Variants in MAP4K1 observed in about 807,000 individuals in gnomAD.
MAP4K1 encodes MAPK/ERK kinase kinase kinase 1.
Under a neutral mutation model 122.8 loss-of-function variants are expected in MAP4K1, and 35 were observed. The ratio of observed to expected loss-of-function variants is 0.29; its 90% CI spans 0.22 to 0.38. The LOEUF is 0.38. Ranked by LOEUF, MAP4K1 falls within the 10% of genes least tolerant of loss-of-function variation. MAP4K1 has a pLI of 1.00. For synonymous variants in MAP4K1, 412 were observed against 421.3 expected (o/e 0.98, Z 0.27); for missense variants, 791 against 1,072.6 (o/e 0.74, Z 3.67).
intron 9 of MAP4K1, among the ~76,000 whole-genome samples, 199 bp downstream of exon 9, chr19:38,612,410 ACT>A (rs1412336701): frequency 6.6e-6 from 1 of 152,014 alleles, no homozygotes; most frequent in Non-Finnish European, 1.5e-5. Flanking sequence ...ACAGAGCAAG[ACT>A]CTGTCTTAAA....
intron 30 of MAP4K1, chr19:38,589,206 G>C (rs1407452021): frequency 6.3e-6 from 1 of 159,300 alleles, no homozygotes; most frequent in Non-Finnish European, 1.4e-5. Flanking sequence ...GGGAGGCTGA[G>C]GCAGGAGAAT....
At chr19:38,612,840 C>CA (rs1975538686) in intron 8 of MAP4K1, 98 bp from the exon 9 acceptor site, 8 of 1,299,324 alleles carry the variant, frequency 6.2e-6, no homozygotes, top group Non-Finnish European at 8.7e-6. Context: ...ACGCAGCACA[C>CA]AGAGAGTCAG....
chr19:38,599,800 G>T, intron 22 of MAP4K1, 125 bp downstream of exon 22: 1 of 886,344 alleles, frequency 1.1e-6, no homozygotes, highest in African/African-American at 1.6e-5. Context: ...TCTGGGATTT[G>T]AACCTAGGAC....
chr19:38,600,085 G>C lies in MAP4K1; in HGVS notation c.1600C>G (p.Leu534Val). Residue 534 changes from leucine to valine, a missense_variant, in exon 21 of 31, where the codon CTG becomes GTG. Around this residue, in one of 4 missense-constraint regions of MAP4K1, gnomAD observed 58 missense variants for 118.7 expected, o/e 0.49. Coordinates refer to ENST00000396857, the MANE Select transcript of MAP4K1 (RefSeq NM_001042600.3). Reference protein sequence around the residue: ...ILNRNDQEATLEMLFPSRTTW... With the variant: ...ILNRNDQEATVEMLFPSRTTW... Reference sequence around the variant, plus strand: ...CCGGTATGGTTCCTCACCATTTCCAGCGTGGCCTCCTGGTCATTCCGGTTC... The same window carrying C: ...CCGGTATGGTTCCTCACCATTTCCACCGTGGCCTCCTGGTCATTCCGGTTC... The C allele has an allele frequency of 6.2e-7, 1 of 1,614,128 alleles. No homozygotes were observed. The highest frequency in any genetic ancestry group is 8.5e-7 in the Non-Finnish European group (1 of 1,180,026).
chr19:38,601,609 C>A, intron 19 of MAP4K1, 84 bp from the exon 20 acceptor site: 1 of 989,412 alleles, frequency 1.0e-6, no homozygotes, highest in African/African-American at 1.6e-5. Flanking sequence ...GACTTTGGAG[C>A]GAGAGTGCCA....
In MAP4K1 at chr19:38,615,567, C is replaced by T. The variant is rs184485623; in HGVS notation, c.313+628G>A. The stretch of plus-strand genomic sequence containing the variant: ...TAACGAGGTAAGAACAACACACAGG[C>T]AGAGAGACAGAGAGACAGACAGACA... On this transcript the variant is annotated intron_variant, in intron 4 of 30. Transcript: ENST00000396857. Among the ~76,000 whole-genome samples the T allele has an allele frequency of 2.2e-4, 34 of 152,142 alleles. No individual in the cohort carries two copies. The East Asian group carries it at 6.4e-3, about 29-fold the overall frequency.
chr19:38,606,900 A>G (rs1396225778), intron 16 of MAP4K1, among the ~76,000 whole-genome samples: 1 of 152,114 alleles, frequency 6.6e-6, no homozygotes, highest in Non-Finnish European at 1.5e-5. Flanking sequence ...GCGCACCTGG[A>G]TGGAGCCTGA....
In MAP4K1 at chr19:38,603,754, C is replaced by T. The variant is rs1450397726; in HGVS notation, c.1446+1655G>A. 5.9e-5 allele frequency among the ~76,000 whole-genome samples: 9 copies of T among 152,176 alleles called. No individual in the cohort carries two copies. The East Asian group carries it at 1.7e-3, about 29-fold the overall frequency. ...ATGCCAGCACTTTGGGAGGCCGAGG[C>T]TGGCAGATAACTTGAGGTCAGGAGT... On this transcript the variant is annotated intron_variant, in intron 19 of 30. Coordinates refer to ENST00000396857, the MANE Select transcript of MAP4K1 (RefSeq NM_001042600.3).
intron 19 of MAP4K1, among the ~76,000 whole-genome samples, chr19:38,602,467 T>C (rs553141898): frequency 2.1e-5 from 3 of 145,770 alleles, no homozygotes; most frequent in South Asian, 2.2e-4. Context: ...TATACACACA[T>C]ATACATATAT....
intron 4 of MAP4K1, among the ~76,000 whole-genome samples, chr19:38,615,205 G>A (rs1397072133): frequency 2.7e-5 from 4 of 150,356 alleles, no homozygotes; most frequent in African/African-American, 9.8e-5. Context: ...GGTGGGTCTG[G>A]AAAGCAGCAA....
rs1974912312 is a variant in MAP4K1 at position 38,597,052 on chromosome 19, G to A, written c.1923C>T (p.Asn641=). ...VVLLQWYQPM[N]KFLLVRQVLF... is the part of the protein sequence containing the mutation. ...CCCTTACCCGGACAAGCAGGAATTT[G>A]TTCATGGGCTGGTACCACTGAAGCA... The change falls in exon 25 of 31, where the codon AAC becomes AAT. Residue 641 remains asparagine, a synonymous_variant. Transcript: ENST00000396857. The surrounding 1 kb of genome is among the most constrained non-coding windows in gnomAD (Gnocchi z 4.6). 6.2e-7 allele frequency: 1 copy of A among 1,613,958 alleles called. No homozygotes were observed. Among genetic ancestry groups the A allele is most frequent in the Admixed American group, 1.7e-5 (1 of 59,986 alleles).
chr19:38,612,488 A>G lies in MAP4K1; in HGVS notation c.665+123T>C, dbSNP rs945403285. The G allele has an allele frequency of 7.5e-6, 5 of 666,548 alleles. No individual in the cohort carries two copies. In the African/African-American group the frequency reaches 9.3e-5, roughly 12 times the overall value. 41.3% of individuals were successfully genotyped at this position (666,548 alleles called of 1,614,324 possible). On this transcript the variant is annotated intron_variant, in intron 9 of 30. Coordinates refer to ENST00000396857, the MANE Select transcript of MAP4K1 (RefSeq NM_001042600.3). ...AAAAAATAGAGCTGCAGCACGTGCA[A>G]AGGTAGGCTCAAGTGGTGATCCCTG... is the stretch of plus-strand genomic sequence containing the variant.
chr19:38,599,435 T>C (rs1193035773), intron 22 of MAP4K1, among the ~76,000 whole-genome samples: 5 of 143,684 alleles, frequency 3.5e-5, no homozygotes, highest in African/African-American at 5.2e-5. Context: ...GCCAAGGCAG[T>C]TGGATCACCT....
Position 38,608,828 on chromosome 19 carries a change from A to AAAAAAAAAAAAAAAAAAC in MAP4K1, c.1007-659_1007-658insGTTTTTTTTTTTTTTTTT, listed in dbSNP as rs1555811720. Among the ~76,000 whole-genome samples, 33 of 137,246 alleles carry AAAAAAAAAAAAAAAAAAC rather than the reference A, an allele frequency of 2.4e-4. 3 individuals are homozygous for AAAAAAAAAAAAAAAAAAC. Among genetic ancestry groups the AAAAAAAAAAAAAAAAAAC allele is most frequent in the South Asian group, 5.3e-4 (2 of 3,798 alleles). 90.0% of individuals were successfully genotyped at this position (137,246 alleles called of 152,430 possible). Reference sequence around the variant, plus strand: ...AAAAAAAAAAAAAAAAAAAAAAAAAAACATTAGCCACGCGTGGTGAATAAG... The same window carrying AAAAAAAAAAAAAAAAAAC: ...AAAAAAAAAAAAAAAAAAAAAAAAAAAAAAAAAAAAAAAAAAACACATTAGCCACGCGTGGTGAATAAG... On this transcript the variant is annotated intron_variant, in intron 13 of 30. Transcript: ENST00000396857.
rs1386217715 is a variant in MAP4K1, at chr19:38,597,273, T to G, written c.1837+53A>C. The G allele has an allele frequency of 3.1e-6, 5 of 1,609,438 alleles. No individual in the cohort carries two copies. Among genetic ancestry groups the G allele is most frequent in the Non-Finnish European group, 4.2e-6 (5 of 1,176,576 alleles). On this transcript the variant is annotated intron_variant, in intron 24 of 30. Transcript: ENST00000396857. This position sits in a 1 kb window ranked among gnomAD's most constrained non-coding sequence, Gnocchi z 4.6. ...CTCAGGTGGATGCAGTTCAAGCCCC[T>G]CCTCTGGCCTGGCCCCGCCCACTCT...
intron 30 of MAP4K1, chr19:38,589,281 G>T (rs1974629995): frequency 1.9e-5 from 5 of 256,928 alleles, no homozygotes; most frequent in South Asian, 3.3e-5. Flanking sequence ...CCAGCCTGGG[G>T]GACAGAGTGA....
rs1974696474 is a variant in MAP4K1, at chr19:38,590,471, T to TG, written c.2397-2655_2397-2654insC. ...CGTCACTAGGACAACGGGTGAAATT[T>TG]TTTGTTGTTGTTGTTGTTGTTTTCT... On this transcript the variant is annotated intron_variant, in intron 30 of 30. Coordinates refer to ENST00000396857, the MANE Select transcript of MAP4K1 (RefSeq NM_001042600.3). Among the ~76,000 whole-genome samples the TG allele has an allele frequency of 2.9e-5, 4 of 138,336 alleles. No individual in the cohort carries two copies. The East Asian group carries it at 6.6e-4, about 23-fold the overall frequency. The allele number at this position is 138,336 out of a possible 152,430, so 90.8% of individuals were successfully genotyped here.
intron 19 of MAP4K1, 52 bp from the exon 20 acceptor site, chr19:38,601,577 AAC>A: frequency 3.6e-6 from 5 of 1,384,510 alleles, no homozygotes; most frequent in Non-Finnish European, 5.0e-6. Context: ...GAGAGCAGGG[AAC>A]AGGAAGGGGC....
At chr19:38,595,780 A>T in intron 27 of MAP4K1, 51 bp from the exon 28 acceptor site, 1 of 1,511,650 alleles carries the variant, frequency 6.6e-7, no homozygotes, top group African/African-American at 1.4e-5. Flanking sequence ...TTAGAGGGTT[A>T]CTAAGGGACC....
Sources: gnomAD v4.1 joint callset for allele counts (sites outside exome capture counted in the v4.1 genomes callset) on GRCh38, gnomAD v4.1.1 for gene constraint, gnomAD v4.1.1 regional missense constraint, Gnocchi (gnomAD v3.1) non-coding constraint, MANE v1.5 for transcripts, NCBI Gene and HGNC (gene_info 2026-07-23, HGNC 2026-07-21) for gene names.